MLLT10: variants seen among roughly 807,000 people sequenced by gnomAD.
MLLT10 encodes the protein MLLT10 histone lysine methyltransferase DOT1L cofactor, also known as protein AF-10.
In MLLT10, 30 loss-of-function variants were observed where a neutral mutation model predicts 129.1. The ratio of observed to expected loss-of-function variants is 0.23; its 90% confidence interval spans 0.17 to 0.32. The LOEUF is 0.32. MLLT10 is among the 10% of genes least tolerant of loss of function. The pLI, the probability that MLLT10 is intolerant of heterozygous loss-of-function variation, is 1.00. For missense variants in MLLT10, 1,119 were observed against 1,268.3 expected (o/e 0.88, Z 1.79); for synonymous variants, 490 against 446.4 (o/e 1.10, Z -1.23).
rs763336562 is a variant in MLLT10 at position 21,670,555 on chromosome 10, C to A, written c.902C>A (p.Thr301Asn). 1.9e-6 allele frequency: 3 copies of A among 1,614,122 alleles called. No individual in the cohort carries two copies. Residue 301 changes from threonine to asparagine, a missense_variant, in exon 10 of 23, where the codon ACC becomes AAC. By Grantham distance (65) the Thr-to-Asn change is moderately conservative. Coordinates refer to ENST00000307729, the MANE Select transcript of MLLT10 (RefSeq NM_001195626.3). ...AATTTCCAGGAAGTCTCTGCACACA[C>A]CTCTAGTGGAAAAGATGTTTCAGAG... Reference protein sequence around the residue: ...NANFQEVSAHTSSGKDVSETR... With the variant: ...NANFQEVSAHNSSGKDVSETR...
intron 3 of MLLT10, among the ~76,000 whole-genome samples, chr10:21,553,418 C>T (rs988204336): frequency 5.3e-5 from 8 of 151,542 alleles, no homozygotes; most frequent in African/African-American, 1.7e-4. Flanking sequence ...CTCTGCATCC[C>T]GGGTTCAAGA....
intron 8 of MLLT10, chr10:21,625,488 A>T: frequency 1.0e-6 from 1 of 994,786 alleles, no homozygotes; most frequent in Non-Finnish European, 1.6e-6. Flanking sequence ...CAGCCCATTC[A>T]ACTGTAACTA....
chr10:21,734,302 G>A (rs879252902), intron 20 of MLLT10, among the ~76,000 whole-genome samples, 173 bp downstream of exon 20: 1 of 152,070 alleles, frequency 6.6e-6, no homozygotes, highest in South Asian at 2.1e-4. Flanking sequence ...AAGTAATTTA[G>A]ATTAAAATTA....
intron 3 of MLLT10, among the ~76,000 whole-genome samples, chr10:21,561,010 A>G (rs1395280880): frequency 6.6e-6 from 1 of 152,190 alleles, no homozygotes; most frequent in African/African-American, 2.4e-5. Flanking sequence ...GTTCTTAGAT[A>G]CATGATTTGT....
At chr10:21,640,269 ATATTG>A (rs1472157865) in intron 8 of MLLT10, among the ~76,000 whole-genome samples, 1 of 144,108 alleles carries the variant, frequency 6.9e-6, no homozygotes, top group African/African-American at 2.5e-5. Context: ...AATATATATT[ATATTG>A]TATTATATAT....
chr10:21,711,910 CTGTT>C (rs2056126464), intron 13 of MLLT10, among the ~76,000 whole-genome samples: 4 of 152,198 alleles, frequency 2.6e-5, no homozygotes, highest in Admixed American at 2.6e-4. Flanking sequence ...CTCTCCACAA[CTGTT>C]TGTAATGCCT....
intron 3 of MLLT10, among the ~76,000 whole-genome samples, chr10:21,556,188 C>G (rs894648631): frequency 1.3e-5 from 2 of 152,128 alleles, no homozygotes; most frequent in African/African-American, 4.8e-5. Flanking sequence ...GTTGGCCAGG[C>G]TGGTCTCAGG....
chr10:21,630,532 T>G (rs1049346125), intron 8 of MLLT10, among the ~76,000 whole-genome samples: 1 of 152,196 alleles, frequency 6.6e-6, no homozygotes, highest in South Asian at 2.1e-4. Context: ...GTTGTTTATA[T>G]AGCAAGCAAA....
intron 8 of MLLT10, among the ~76,000 whole-genome samples, chr10:21,644,116 A>G (rs962647618): frequency 2.6e-5 from 4 of 151,988 alleles, no homozygotes; most frequent in South Asian, 2.1e-4. Context: ...CTATTTTATC[A>G]TCTCATTCTT....
At chr10:21,566,276 G>C (rs1005107710) in intron 3 of MLLT10, among the ~76,000 whole-genome samples, 1 of 150,728 alleles carries the variant, frequency 6.6e-6, no homozygotes, top group Non-Finnish European at 1.5e-5. Context: ...TTTATTTGCT[G>C]TATTTAGGTA....
At chr10:21,741,165 C>T (rs1361960354) in intron 22 of MLLT10, among the ~76,000 whole-genome samples, 5 of 152,282 alleles carry the variant, frequency 3.3e-5, no homozygotes, top group Admixed American at 2.0e-4. Context: ...TCTGTCTGCC[C>T]TCTTGTCTCG....
At chr10:21,635,153 G>A (rs961076443) in intron 8 of MLLT10, among the ~76,000 whole-genome samples, 1 of 152,138 alleles carries the variant, frequency 6.6e-6, no homozygotes, top group African/African-American at 2.4e-5. Context: ...GGTTTCAGCT[G>A]CGTTTCTCAA....
At chr10:21,561,554 C>T (rs534184696) in intron 3 of MLLT10, among the ~76,000 whole-genome samples, 14 of 151,850 alleles carry the variant, frequency 9.2e-5, no homozygotes, top group South Asian at 2.1e-4. Flanking sequence ...CCACTGCACC[C>T]GGCCCAGTGG....
intron 8 of MLLT10, among the ~76,000 whole-genome samples, chr10:21,618,743 C>T (rs1245619215): frequency 1.3e-5 from 2 of 151,528 alleles, no homozygotes; most frequent in Non-Finnish European, 2.9e-5. Flanking sequence ...AAACGATTCT[C>T]GTGTCTCAGC....
At chr10:21,627,960 G>A (rs998206537) in intron 8 of MLLT10, among the ~76,000 whole-genome samples, 1 of 152,174 alleles carries the variant, frequency 6.6e-6, no homozygotes, top group African/African-American at 2.4e-5. Context: ...GCAAGGTTGT[G>A]CCTAAACTTT....
At chr10:21,646,404 CCTTT>C (rs887797139) in intron 8 of MLLT10, among the ~76,000 whole-genome samples, 2 of 151,938 alleles carry the variant, frequency 1.3e-5, no homozygotes, top group African/African-American at 4.8e-5. Flanking sequence ...TTGTTTCTGT[CCTTT>C]CTTTCTTTTT....
intron 8 of MLLT10, among the ~76,000 whole-genome samples, chr10:21,633,385 T>C (rs2047177183): frequency 6.6e-6 from 1 of 152,216 alleles, no homozygotes; most frequent in East Asian, 1.9e-4. Context: ...AAGTGAAAGA[T>C]ACATAGTGTA....
Position 21,742,882 on chromosome 10 carries a change from G to C in MLLT10, c.*899G>C. On this transcript the variant is annotated 3_prime_UTR_variant, in exon 23 of 23. Transcript: ENST00000307729. ...TCACCTGCAGCCTTCCCATGCTTCC[G>C]CCTTTATTCAGAACTTTCTGTGCCA... is the stretch of plus-strand genomic sequence containing the variant. The C allele has an allele frequency of 4.4e-6, 1 of 228,754 alleles. No homozygotes were observed. The allele number at this position is 228,754 out of a possible 1,614,324, so 14.2% of individuals were successfully genotyped here. A position where few individuals can be genotyped will look rare whatever the true frequency, so the allele number is the denominator to read the frequency against.
chr10:21,674,354 C>A (rs184778415), intron 11 of MLLT10, among the ~76,000 whole-genome samples: 1 of 151,910 alleles, frequency 6.6e-6, no homozygotes, highest in Non-Finnish European at 1.5e-5. Flanking sequence ...ATTTTCTAAA[C>A]GACTCCTCAC....
Sources: gnomAD v4.1 joint callset for allele counts (sites outside exome capture counted in the v4.1 genomes callset) on GRCh38, gnomAD v4.1.1 for gene constraint, MANE v1.5 for transcripts, NCBI Gene and HGNC (gene_info 2026-07-23, HGNC 2026-07-21) for gene names.